CDHR3: variants seen among roughly 807,000 people sequenced by gnomAD.
CDHR3 encodes the protein cadherin related family member 3.
A neutral mutation model predicts 86.6 loss-of-function variants in CDHR3; 79 were observed. The ratio of observed to expected loss-of-function variants is 0.91; its 90% CI spans 0.76 to 1.10. The LOEUF is 1.10. CDHR3 is among the 50% of genes least tolerant of loss of function. The pLI, the probability that CDHR3 is intolerant of heterozygous loss-of-function variation, is 0.00. For synonymous variants in CDHR3, 421 were observed against 402.4 expected (o/e 1.05, Z -0.55); for missense variants, 1,081 against 1,077.6 (o/e 1.00, Z -0.04).
chr7:106,026,658 T>TA (rs765781056), intron 15 of CDHR3, 24 bp from the exon 16 acceptor site: 1 of 1,613,272 alleles, frequency 6.2e-7, no homozygotes, highest in Non-Finnish European at 8.5e-7. Context: ...AGTGAATTAA[T>TA]AGCCATTCTT....
chr7:106,005,670 A>G (rs528072123), intron 8 of CDHR3, among the ~76,000 whole-genome samples: 1 of 152,348 alleles, frequency 6.6e-6, no homozygotes, highest in South Asian at 2.1e-4. Context: ...ACATAGACCC[A>G]ATACATGCAG....
At chr7:105,984,090 A>G (rs1585579160) in intron 3 of CDHR3, 102 bp from the exon 4 acceptor site, 1 of 567,784 alleles carries the variant, frequency 1.8e-6, no homozygotes, top group East Asian at 3.1e-5. Context: ...CACGATGCCA[A>G]CACCCTTGGT....
Position 106,032,922 on chromosome 7 carries a change from G to A in CDHR3, c.*225G>A. On this transcript the variant is annotated 3_prime_UTR_variant, in exon 19 of 19. Transcript: ENST00000317716. ...CAGGAACATTTTCTATCAGATTTCA[G>A]AACTACCTGTGCTTCTGATAAGCAA... The A allele has an allele frequency of 1.9e-6, 1 of 538,270 alleles. No individual in the cohort carries two copies. Among genetic ancestry groups the A allele is most frequent in the Non-Finnish European group, 3.3e-6 (1 of 305,302 alleles). The allele number at this position is 538,270 out of a possible 1,614,324, so 33.3% of individuals were successfully genotyped here.
intron 2 of CDHR3, among the ~76,000 whole-genome samples, chr7:105,979,695 G>T (rs1171943175): frequency 1.3e-5 from 2 of 152,198 alleles, no homozygotes; most frequent in Non-Finnish European, 2.9e-5. Context: ...CCACCCAGAA[G>T]TTCAGTGGTG....
chr7:106,020,607 A>G (rs1314371334), intron 13 of CDHR3, 63 bp downstream of exon 13: 2 of 1,548,772 alleles, frequency 1.3e-6, no homozygotes, highest in African/African-American at 2.7e-5. Flanking sequence ...TGTCTAGGGT[A>G]GGGGTCTGTG....
chr7:106,020,137 A>T (rs1294686287), intron 12 of CDHR3, among the ~76,000 whole-genome samples: 2 of 152,216 alleles, frequency 1.3e-5, no homozygotes, highest in South Asian at 4.1e-4. Flanking sequence ...GGAGTAGGAC[A>T]GACCTGAATT....
At chr7:105,992,928 A>G (rs1474263182) in intron 4 of CDHR3, among the ~76,000 whole-genome samples, 1 of 152,248 alleles carries the variant, frequency 6.6e-6, no homozygotes, top group Non-Finnish European at 1.5e-5. Flanking sequence ...ACAAAAGGAA[A>G]CTTTAAAAAT....
chr7:106,026,524 T>C (rs541703515), intron 15 of CDHR3, among the ~76,000 whole-genome samples, 158 bp from the exon 16 acceptor site: 1 of 152,158 alleles, frequency 6.6e-6, no homozygotes, highest in Non-Finnish European at 1.5e-5. Flanking sequence ...GCAGGCGTGG[T>C]GATCTAGTTT....
intron 5 of CDHR3, 105 bp downstream of exon 5, chr7:105,994,950 T>A: frequency 1.2e-6 from 1 of 846,592 alleles, no homozygotes; most frequent in Non-Finnish European, 2.0e-6. Context: ...GGGGAGCCCC[T>A]TGAGCAGTCT....
At chr7:106,020,187 G>C (rs1388321907) in intron 12 of CDHR3, among the ~76,000 whole-genome samples, 186 bp from the exon 13 acceptor site, 1 of 152,148 alleles carries the variant, frequency 6.6e-6, no homozygotes, top group African/African-American at 2.4e-5. Flanking sequence ...AATGATCTTA[G>C]ATCAATTACC....
intron 1 of CDHR3, among the ~76,000 whole-genome samples, chr7:105,966,871 G>C (rs1827020052): frequency 1.3e-5 from 2 of 152,028 alleles, no homozygotes; most frequent in Non-Finnish European, 2.9e-5. Flanking sequence ...AAACACGTCT[G>C]TTTCTTGCCA....
chr7:106,017,694 A>G (rs1472625006), intron 11 of CDHR3, among the ~76,000 whole-genome samples, 152 bp from the exon 12 acceptor site: 1 of 151,864 alleles, frequency 6.6e-6, no homozygotes, highest in Non-Finnish European at 1.5e-5. Context: ...GCATTATTTC[A>G]ATTTAGTAGA....
intron 11 of CDHR3, among the ~76,000 whole-genome samples, chr7:106,016,568 TC>T (rs1835657885): frequency 6.6e-6 from 1 of 152,116 alleles, no homozygotes; most frequent in Admixed American, 6.6e-5. Flanking sequence ...ACTTTCTGCC[TC>T]CCTCTCGCTC....
chr7:106,011,311 G>A (rs1286452769), intron 8 of CDHR3, among the ~76,000 whole-genome samples: 5 of 152,074 alleles, frequency 3.3e-5, no homozygotes, highest in African/African-American at 9.7e-5. Flanking sequence ...TTGACCACTG[G>A]AGCATTCACA....
At chr7:106,017,258 T>A (rs781606991) in intron 11 of CDHR3, among the ~76,000 whole-genome samples, 15 of 152,114 alleles carry the variant, frequency 9.9e-5, no homozygotes, top group Non-Finnish European at 1.8e-4. Flanking sequence ...CCCTGGAGCC[T>A]ATATAAAGGC....
chr7:106,015,850 G>A, intron 10 of CDHR3, 77 bp from the exon 11 acceptor site: 1 of 1,082,326 alleles, frequency 9.2e-7, no homozygotes, highest in Non-Finnish European at 1.4e-6. Flanking sequence ...GTACACAGGA[G>A]ATTCTTTAAA....
chr7:105,988,121 T>G (rs1830795388), intron 4 of CDHR3, among the ~76,000 whole-genome samples: 1 of 152,116 alleles, frequency 6.6e-6, no homozygotes, highest in Non-Finnish European at 1.5e-5. Flanking sequence ...ACTCTTGGGG[T>G]CAAGCCATCC....
intron 1 of CDHR3, among the ~76,000 whole-genome samples, chr7:105,965,571 C>CCA (rs1554507753): frequency 1.8e-4 from 20 of 112,480 alleles, no homozygotes; most frequent in African/African-American, 5.0e-4. Context: ...AGCCCCACCC[C>CCA]CCCCCATGGA....
intron 13 of CDHR3, among the ~76,000 whole-genome samples, chr7:106,021,685 C>G (rs1301176843): frequency 2.0e-5 from 3 of 152,204 alleles, no homozygotes; most frequent in Non-Finnish European, 4.4e-5. Flanking sequence ...AGCCAGGAGG[C>G]ACCTTCCTTT....
Sources: allele counts gnomAD v4.1 joint callset (sites outside exome capture counted in the v4.1 genomes callset), GRCh38; gene constraint gnomAD v4.1.1; transcripts MANE v1.5; gene names NCBI Gene and HGNC (gene_info 2026-07-23, HGNC 2026-07-21).